Variants in OSBPL3 observed in about 807,000 individuals in gnomAD.
The protein encoded by OSBPL3 is oxysterol binding protein like 3.
Under a neutral mutation model 120.1 loss-of-function variants are expected in OSBPL3, and 65 were observed. The ratio of observed to expected loss-of-function variants is 0.54; its 90% confidence interval spans 0.44 to 0.67. The LOEUF is 0.67. Ranked by LOEUF, OSBPL3 falls within the 30% of genes least tolerant of loss-of-function variation. The probability of loss-of-function intolerance (pLI) is 0.00; values close to 1 mark genes in which losing one functional copy is unlikely to be tolerated. For missense variants in OSBPL3, 1,004 were observed against 1,082.1 expected (o/e 0.93, Z 1.01); for synonymous variants, 416 against 402.6 (o/e 1.03, Z -0.40).
intron 2 of OSBPL3, among the ~76,000 whole-genome samples, chr7:24,889,945 T>C (rs1420365306): frequency 6.6e-6 from 1 of 152,146 alleles, no homozygotes; most frequent in Non-Finnish European, 1.5e-5. Flanking sequence ...CAGAAGGCCC[T>C]TGCTGCAAAT....
chr7:24,951,986 T>C (rs1245122038), intron 1 of OSBPL3, among the ~76,000 whole-genome samples: 1 of 152,226 alleles, frequency 6.6e-6, no homozygotes, highest in Non-Finnish European at 1.5e-5. Context: ...TAGAGAGCTC[T>C]AGTACTGTTG....
intron 1 of OSBPL3, among the ~76,000 whole-genome samples, chr7:24,942,231 C>T (rs980660879): frequency 4.0e-5 from 6 of 151,884 alleles, no homozygotes; most frequent in East Asian, 3.9e-4. Context: ...TCATACCATA[C>T]GGAATGAACT....
Position 24,818,606 on chromosome 7 carries a change from G to C in OSBPL3, c.1948+1569C>G, listed in dbSNP as rs1794758272. Reference sequence around the variant, plus strand: ...TAGCTAATAAGCTAACAGGGGAGATGAAAGAGAATGATAGAAATTATTCAA... The same window carrying C: ...TAGCTAATAAGCTAACAGGGGAGATCAAAGAGAATGATAGAAATTATTCAA... On this transcript the variant is annotated intron_variant, in intron 17 of 22. Transcript: ENST00000313367. The surrounding 1 kb of genome is among the most constrained non-coding windows in gnomAD (Gnocchi z 4.0). Among the ~76,000 whole-genome samples, 1 of 152,144 alleles carries C rather than the reference G, an allele frequency of 6.6e-6. No individual in the cohort carries two copies. Among genetic ancestry groups the C allele is most frequent in the African/African-American group, 2.4e-5 (1 of 41,434 alleles).
At position 24,922,492 on chromosome 7, in the gene OSBPL3, A is replaced by C. The variant is rs1810518431; in HGVS notation, c.-149-29871T>G. 6.6e-6 allele frequency among the ~76,000 whole-genome samples: 1 copy of C among 152,206 alleles called. No individual in the cohort carries two copies. Among genetic ancestry groups the C allele is most frequent in the South Asian group, 2.1e-4 (1 of 4,826 alleles). On this transcript the variant is annotated intron_variant, in intron 1 of 22. Coordinates refer to ENST00000313367, the MANE Select transcript of OSBPL3 (RefSeq NM_015550.4). The surrounding 1 kb of genome is among the most constrained non-coding windows in gnomAD (Gnocchi z 4.3). ...GGTGCTTTTAGAGTTTGATTCTAGA[A>C]ACATGACTTTCTCATTAAACAATTA...
At position 24,953,411 on chromosome 7, in the gene OSBPL3, G is replaced by A. The variant is rs1374014198; in HGVS notation, c.-150+26475C>T. On this transcript the variant is annotated intron_variant, in intron 1 of 22. Coordinates refer to ENST00000313367, the MANE Select transcript of OSBPL3 (RefSeq NM_015550.4). This position sits in a 1 kb window ranked among gnomAD's most constrained non-coding sequence, Gnocchi z 4.3. Reference sequence around the variant, plus strand: ...GCCAGAAAGGCTGCTCAGAAGTTGAGTTTAAATGTGTCTTATTAAAGTATT... The same window carrying A: ...GCCAGAAAGGCTGCTCAGAAGTTGAATTTAAATGTGTCTTATTAAAGTATT... 6.6e-6 allele frequency among the ~76,000 whole-genome samples: 1 copy of A among 151,974 alleles called. No individual in the cohort carries two copies. The highest frequency in any genetic ancestry group is 1.5e-5 in the Non-Finnish European group (1 of 68,010).
chr7:24,861,864 A>G (rs1316882100), intron 9 of OSBPL3, 95 bp from the exon 10 acceptor site: 2 of 842,444 alleles, frequency 2.4e-6, no homozygotes, highest in East Asian at 2.9e-5. Context: ...ATACAAATAC[A>G]AAACATTTTA....
chr7:24,903,469 G>C (rs1196839778), intron 1 of OSBPL3, among the ~76,000 whole-genome samples: 12 of 152,190 alleles, frequency 7.9e-5, no homozygotes. Flanking sequence ...AGGCAGATTG[G>C]GAGAAGAAGG....
In OSBPL3 at chr7:24,804,224, T is replaced by A; in HGVS notation, c.2567+91A>T. 1 of 1,462,504 alleles carries A rather than the reference T, an allele frequency of 6.8e-7. No individual in the cohort carries two copies. Among genetic ancestry groups the A allele is most frequent in the Admixed American group, 1.8e-5 (1 of 56,742 alleles). The allele number at this position is 1,462,504 out of a possible 1,614,324, so 90.6% of individuals were successfully genotyped here. ...GAAAAGCCTGGAGAATGCTCTTATCTGGGGACAGTACTGTTCACTTTCTGC... is the reference window on the plus strand; with the variant it reads ...GAAAAGCCTGGAGAATGCTCTTATCAGGGGACAGTACTGTTCACTTTCTGC... On this transcript the variant is annotated intron_variant, in intron 22 of 22. Coordinates refer to ENST00000313367, the MANE Select transcript of OSBPL3 (RefSeq NM_015550.4). This position sits in a 1 kb window ranked among gnomAD's most constrained non-coding sequence, Gnocchi z 5.4.
rs528657369 is a variant in OSBPL3, at chr7:24,852,903, C to T, written c.1028-269G>A. Among the ~76,000 whole-genome samples, 49 of 152,050 alleles carry T rather than the reference C, an allele frequency of 3.2e-4. No homozygotes were observed. Among genetic ancestry groups the T allele is most frequent in the East Asian group, 1.2e-3 (6 of 5,166 alleles). On this transcript the variant is annotated intron_variant, in intron 10 of 22. Coordinates refer to ENST00000313367, the MANE Select transcript of OSBPL3 (RefSeq NM_015550.4). This position sits in a 1 kb window ranked among gnomAD's most constrained non-coding sequence, Gnocchi z 4.1. ...GTACTCTGGTGTGGGATGCTGATGG[C>T]GGGGGGACGGTGCCTACATGGGAGC...
Position 24,806,907 on chromosome 7 carries a change from G to A in OSBPL3, c.2318-5C>T, listed in dbSNP as rs750393520. 5.0e-6 allele frequency: 8 copies of A among 1,601,894 alleles called. No homozygotes were observed. Among genetic ancestry groups the A allele is most frequent in the Non-Finnish European group, 6.8e-6 (8 of 1,173,748 alleles). ...CGTAGCCTTTCGGCATAGGATCTAA[G>A]AAGAAAATAAATCATTCACCCCTAA... On this transcript the variant is annotated splice_region_variant and splice_polypyrimidine_tract_variant and intron_variant, in intron 20 of 22. Coordinates refer to ENST00000313367, the MANE Select transcript of OSBPL3 (RefSeq NM_015550.4). This position sits in a 1 kb window ranked among gnomAD's most constrained non-coding sequence, Gnocchi z 5.2.
chr7:24,838,311 C>T (rs1797261837), intron 14 of OSBPL3, among the ~76,000 whole-genome samples: 1 of 152,046 alleles, frequency 6.6e-6, no homozygotes, highest in South Asian at 2.1e-4. Context: ...GCCTGGCCAA[C>T]ATGGTGAAAC....
intron 1 of OSBPL3, among the ~76,000 whole-genome samples, chr7:24,978,246 TA>T (rs1182118320): frequency 2.6e-5 from 4 of 152,118 alleles, no homozygotes; most frequent in African/African-American, 7.2e-5. Flanking sequence ...TTCCCAACAG[TA>T]AAAAAAGGAT....
In OSBPL3 at chr7:24,834,085, A is replaced by G. The variant is rs939333569; in HGVS notation, c.1746+401T>C. ...ACACAAACATTCTCAGGGGAAACTT[A>G]CCCTGGATGAGAAAAACAGCTCGAG... On this transcript the variant is annotated intron_variant, in intron 15 of 22. Coordinates refer to ENST00000313367, the MANE Select transcript of OSBPL3 (RefSeq NM_015550.4). This position sits in a 1 kb window ranked among gnomAD's most constrained non-coding sequence, Gnocchi z 5.2. 1 of 991,824 alleles carries G rather than the reference A, an allele frequency of 1.0e-6. No individual in the cohort carries two copies. Among genetic ancestry groups the G allele is most frequent in the African/African-American group, 1.7e-5 (1 of 57,394 alleles). 61.4% of individuals were successfully genotyped at this position (991,824 alleles called of 1,614,324 possible).
rs139532132 is a variant in OSBPL3, at chr7:24,804,968, T to C, written c.2445-531A>G. Among the ~76,000 whole-genome samples the C allele has an allele frequency of 3.7e-3, 570 of 152,376 alleles. 4 individuals carry two copies. Among genetic ancestry groups the C allele is most frequent in the African/African-American group, 0.013 (540 of 41,588 alleles). On this transcript the variant is annotated intron_variant, in intron 21 of 22. Transcript: ENST00000313367. This position sits in a 1 kb window ranked among gnomAD's most constrained non-coding sequence, Gnocchi z 5.4. ...CACATAATATCCAGTTGCGTGGATGTATATGAATTTAGACAATTTCCTATG... is the reference window on the plus strand; with the variant it reads ...CACATAATATCCAGTTGCGTGGATGCATATGAATTTAGACAATTTCCTATG...
intron 12 of OSBPL3, among the ~76,000 whole-genome samples, chr7:24,845,423 A>T (rs1798310140): frequency 7.0e-6 from 1 of 142,670 alleles, no homozygotes; most frequent in Non-Finnish European, 1.5e-5. Context: ...AAGAAAACCC[A>T]TACCTATCTG....
chr7:24,909,993 A>G (rs1370761710), intron 1 of OSBPL3, among the ~76,000 whole-genome samples: 2 of 151,634 alleles, frequency 1.3e-5, no homozygotes, highest in African/African-American at 4.9e-5. Context: ...TTTAGTAGAG[A>G]TGGGGTTTCG....
chr7:24,955,232 A>G lies in OSBPL3; in HGVS notation c.-150+24654T>C, dbSNP rs982176773. On this transcript the variant is annotated intron_variant, in intron 1 of 22. Coordinates refer to ENST00000313367, the MANE Select transcript of OSBPL3 (RefSeq NM_015550.4). The surrounding 1 kb of genome is among the most constrained non-coding windows in gnomAD (Gnocchi z 4.3). ...TTCAATCATTCATGAATTTGCTGAA[A>G]GCCAGTAGCAGGTTAATTTACCAGT... Among the ~76,000 whole-genome samples, 2 of 152,254 alleles carry G rather than the reference A, an allele frequency of 1.3e-5. No homozygotes were observed. The highest frequency in any genetic ancestry group is 4.8e-5 in the African/African-American group (2 of 41,466).
rs148162563 is a variant in OSBPL3, at chr7:24,913,170, T to C, written c.-149-20549A>G. Among the ~76,000 whole-genome samples the C allele has an allele frequency of 2.0e-5, 3 of 152,194 alleles. No homozygotes were observed. Among genetic ancestry groups the C allele is most frequent in the African/African-American group, 7.2e-5 (3 of 41,512 alleles). On this transcript the variant is annotated intron_variant, in intron 1 of 22. Coordinates refer to ENST00000313367, the MANE Select transcript of OSBPL3 (RefSeq NM_015550.4). This position sits in a 1 kb window ranked among gnomAD's most constrained non-coding sequence, Gnocchi z 5.3. ...TCTTTTCATCAAGTCCCACCCAAATTAAAGATGTCAGGGATACATAAATAT... is the reference window on the plus strand; with the variant it reads ...TCTTTTCATCAAGTCCCACCCAAATCAAAGATGTCAGGGATACATAAATAT...
In OSBPL3 at chr7:24,862,296, T is replaced by G. The variant is rs1220090822; in HGVS notation, c.871-527A>C. Among the ~76,000 whole-genome samples, 1 of 152,210 alleles carries G rather than the reference T, an allele frequency of 6.6e-6. No homozygotes were observed. Among genetic ancestry groups the G allele is most frequent in the Non-Finnish European group, 1.5e-5 (1 of 68,034 alleles). On this transcript the variant is annotated intron_variant, in intron 9 of 22. Coordinates refer to ENST00000313367, the MANE Select transcript of OSBPL3 (RefSeq NM_015550.4). The surrounding 1 kb of genome is among the most constrained non-coding windows in gnomAD (Gnocchi z 4.4). The stretch of plus-strand genomic sequence containing the variant: ...AGCTAAAAATGGGTGAGAAATCACA[T>G]ATTCTTTTGGAAATGATAGAAGCAT...
Sources: gnomAD v4.1 joint callset for allele counts (sites outside exome capture counted in the v4.1 genomes callset) on GRCh38, gnomAD v4.1.1 for gene constraint, Gnocchi (gnomAD v3.1) non-coding constraint, MANE v1.5 for transcripts, NCBI Gene and HGNC (gene_info 2026-07-23, HGNC 2026-07-21) for gene names.